The following FZD3 variants were observed in gnomAD, a reference collection of about 807,000 sequenced individuals.
The protein encoded by FZD3 is frizzled-3.
In FZD3, 30 loss-of-function variants were observed where a neutral mutation model predicts 60.7. The ratio of observed to expected loss-of-function variants is 0.49; its 90% confidence interval spans 0.37 to 0.67. The LOEUF is 0.67. Among genes scored for constraint, FZD3 ranks in the 30% least tolerant of loss-of-function variants. The pLI is 0.00. For synonymous variants in FZD3, 246 were observed against 275.2 expected (o/e 0.89, Z 1.05); for missense variants, 605 against 838.7 (o/e 0.72, Z 3.44).
chr8:28,518,806 A>G (rs749545156), intron 3 of FZD3, among the ~76,000 whole-genome samples: 1 of 152,192 alleles, frequency 6.6e-6, no homozygotes, highest in Non-Finnish European at 1.5e-5. Context: ...CTCTTGTCTT[A>G]CGCCCAGTTC....
chr8:28,558,187 G>A (rs1805547622), intron 7 of FZD3, among the ~76,000 whole-genome samples: 4 of 152,300 alleles, frequency 2.6e-5, no homozygotes, highest in Non-Finnish European at 5.9e-5. Flanking sequence ...TTCAGGCATT[G>A]GGGTGAGAAA....
intron 6 of FZD3, among the ~76,000 whole-genome samples, chr8:28,552,645 G>C (rs1192877612): frequency 6.6e-6 from 1 of 151,990 alleles, no homozygotes; most frequent in Non-Finnish European, 1.5e-5. Context: ...ATTATATGTA[G>C]AATGCGCCTT....
At chr8:28,562,659 A>C in intron 7 of FZD3, 139 bp from the exon 8 acceptor site, 1 of 630,648 alleles carries the variant, frequency 1.6e-6, no homozygotes, top group Non-Finnish European at 2.8e-6. Flanking sequence ...GAAGTTAAGC[A>C]ATCAAAAGTT....
Position 28,562,919 on chromosome 8 carries a change from A to G in FZD3, c.1909A>G (p.Ser637Gly). Residue 637 changes from serine (S) to glycine (G), a missense_variant, in exon 8 of 8, where the codon AGC (serine) becomes GGC (glycine). Coordinates refer to ENST00000240093, the MANE Select transcript of FZD3 (RefSeq NM_017412.4). ...HRLNEQSRHS[S>G]IRDLSNNPMT... ...GCTCAATGAACAGTCACGACATAGC[A>G]GCATCAGAGATCTCAGTAATAATCC... 2 of 1,613,152 alleles carry G rather than the reference A, an allele frequency of 1.2e-6. No homozygotes were observed. Among genetic ancestry groups the G allele is most frequent in the Non-Finnish European group, 1.7e-6 (2 of 1,179,074 alleles).
intron 5 of FZD3, among the ~76,000 whole-genome samples, chr8:28,546,949 G>A (rs977179436): frequency 3.3e-5 from 5 of 149,462 alleles, no homozygotes; most frequent in Admixed American, 2.0e-4. Flanking sequence ...CAGCCTGGGC[G>A]ACAGAGCGAG....
chr8:28,526,192 T>TACACAC (rs10685591), intron 4 of FZD3, among the ~76,000 whole-genome samples: 10 of 151,054 alleles, frequency 6.6e-5, no homozygotes, highest in African/African-American at 2.2e-4. Flanking sequence ...TTAATGTTTA[T>TACACAC]ACACACACAC....
chr8:28,538,759 G>A (rs10092047), intron 5 of FZD3, among the ~76,000 whole-genome samples: 3,305 of 151,846 alleles, frequency 0.022, 110 homozygotes, highest in African/African-American at 0.075. Context: ...AATATTAAAT[G>A]AATCTAGAAA....
intron 5 of FZD3, among the ~76,000 whole-genome samples, chr8:28,540,912 C>G (rs1378387033): frequency 6.6e-6 from 1 of 152,296 alleles, no homozygotes; most frequent in East Asian, 1.9e-4. Context: ...CACCACTGCA[C>G]TCCAGCCTGG....
At chr8:28,496,325 T>C (rs1803842090) in intron 1 of FZD3, among the ~76,000 whole-genome samples, 1 of 152,204 alleles carries the variant, frequency 6.6e-6, no homozygotes, top group South Asian at 2.1e-4. Context: ...CATGTGAGTT[T>C]GTTGATGTTA....
At chr8:28,520,546 T>C in intron 3 of FZD3, 92 bp from the exon 4 acceptor site, 1 of 779,758 alleles carries the variant, frequency 1.3e-6, no homozygotes, top group Non-Finnish European at 1.9e-6. Flanking sequence ...CAGAATTTTC[T>C]TGTAATGAGA....
Position 28,563,562 on chromosome 8 carries a change from A to G in FZD3, c.*551A>G, listed in dbSNP as rs1384136837. 3 of 154,534 alleles carry G rather than the reference A, an allele frequency of 1.9e-5. No individual in the cohort carries two copies. The highest frequency in any genetic ancestry group is 2.9e-5 in the Non-Finnish European group (2 of 69,574). The allele number at this position is 154,534 out of a possible 1,614,324, so 9.6% of individuals were successfully genotyped here. A position where few individuals can be genotyped will look rare whatever the true frequency, so the allele number is the denominator to read the frequency against. On this transcript the variant is annotated 3_prime_UTR_variant, in exon 8 of 8. Transcript: ENST00000240093. ...TTTTAGCTAATAGAATAAAAGTGCA[A>G]CAGAAGAATTTGATTAGTCTATGAA... is the stretch of plus-strand genomic sequence containing the variant.
chr8:28,511,675 G>A (rs6983686), intron 3 of FZD3, among the ~76,000 whole-genome samples: 78,901 of 151,916 alleles, frequency 0.52, 21,233 homozygotes, highest in South Asian at 0.63. Flanking sequence ...TTTTCAAGGC[G>A]TGGTGTGGAT....
intron 3 of FZD3, among the ~76,000 whole-genome samples, chr8:28,513,546 T>G (rs1804344573): frequency 1.3e-5 from 2 of 152,194 alleles, no homozygotes; most frequent in South Asian, 4.1e-4. Flanking sequence ...AAGTTTTTTG[T>G]TTTTTTATTT....
rs376079795 is a variant in FZD3 at position 28,571,069 on chromosome 8, C to A, written c.*8058C>A. 5.3e-5 allele frequency: 8 copies of A among 150,162 alleles called. No individual in the cohort carries two copies. The highest frequency in any genetic ancestry group is 1.7e-4 in the African/African-American group (7 of 41,102). The allele number at this position is 150,162 out of a possible 1,614,324, so 9.3% of individuals were successfully genotyped here. A position where few individuals can be genotyped will look rare whatever the true frequency, so the allele number is the denominator to read the frequency against. On this transcript the variant is annotated 3_prime_UTR_variant, in exon 8 of 8. Transcript: ENST00000240093. ...GAAAAGGTTTGTTTTTAGTTCTCTG[C>A]CTCTGCAAGTCTTTGTGATCACATT...
intron 5 of FZD3, chr8:28,530,534 T>G (rs1202648467): frequency 6.6e-6 from 1 of 152,198 alleles, no homozygotes; most frequent in Non-Finnish European, 1.5e-5. Context: ...GCTCAAAATG[T>G]TGGCTCTGTA....
intron 3 of FZD3, among the ~76,000 whole-genome samples, chr8:28,504,939 A>G (rs1035953608): frequency 7.2e-5 from 11 of 152,336 alleles, no homozygotes; most frequent in African/African-American, 2.4e-4. Context: ...TGAATTTCAG[A>G]CACTGACATT....
At chr8:28,512,343 G>A (rs557576103) in intron 3 of FZD3, among the ~76,000 whole-genome samples, 7 of 152,176 alleles carry the variant, frequency 4.6e-5, no homozygotes, top group African/African-American at 1.4e-4. Flanking sequence ...AAGTAAGGTA[G>A]ATAGCAAAAC....
chr8:28,559,103 G>T (rs2130472023), intron 7 of FZD3, among the ~76,000 whole-genome samples: 1 of 152,154 alleles, frequency 6.6e-6, no homozygotes, highest in East Asian at 1.9e-4. Flanking sequence ...AGTAAAAGAT[G>T]AGTTTATATT....
chr8:28,552,300 T>C (rs1358242514), intron 6 of FZD3, among the ~76,000 whole-genome samples: 1 of 152,156 alleles, frequency 6.6e-6, no homozygotes, highest in African/African-American at 2.4e-5. Flanking sequence ...TAAAGCCAAA[T>C]AGAAAAATGA....
Sources: allele counts gnomAD v4.1 joint callset (sites outside exome capture counted in the v4.1 genomes callset), GRCh38; gene constraint gnomAD v4.1.1; transcripts MANE v1.5; gene names NCBI Gene and HGNC (gene_info 2026-07-23, HGNC 2026-07-21).